TRIM16: variants seen among roughly 807,000 people sequenced by gnomAD.
The protein encoded by TRIM16 is tripartite motif-containing protein 16.
In TRIM16, 33 loss-of-function variants were observed where a neutral mutation model predicts 50.4. That is an observed-to-expected ratio of 0.65 (90% CI 0.50 to 0.88). The LOEUF (loss-of-function observed/expected upper bound fraction) is 0.88. Among genes scored for constraint, TRIM16 ranks in the 40% least tolerant of loss-of-function variants. The pLI, the probability that TRIM16 is intolerant of heterozygous loss-of-function variation, is 0.00. For synonymous variants in TRIM16, 229 were observed against 270.7 expected, an observed-to-expected ratio of 0.85 and a Z score of 1.51; for missense variants, 581 against 686.8, an observed-to-expected ratio of 0.85 and a Z score of 1.72.
intron 7 of TRIM16, among the ~76,000 whole-genome samples, chr17:15,649,045 T>C (rs1987552420): frequency 6.6e-6 from 1 of 151,580 alleles, no homozygotes; most frequent in African/African-American, 2.4e-5. Context: ...TTCAGAGTTC[T>C]GCGCGTGCTC....
At chr17:15,681,845 T>A (rs564163785) in intron 3 of TRIM16, among the ~76,000 whole-genome samples, 1 of 152,384 alleles carries the variant, frequency 6.6e-6, no homozygotes, top group East Asian at 1.9e-4. Flanking sequence ...TACTTAAACC[T>A]CCTTGTGGAT....
intron 6 of TRIM16, among the ~76,000 whole-genome samples, chr17:15,661,322 G>A (rs1261052539): frequency 2.0e-5 from 3 of 152,216 alleles, no homozygotes; most frequent in African/African-American, 7.2e-5. Flanking sequence ...AGGATTTGAG[G>A]AGGTGAAGGC....
chr17:15,680,773 C>T (rs1480210903), intron 4 of TRIM16, 92 bp downstream of exon 4: 1 of 1,413,828 alleles, frequency 7.1e-7, no homozygotes, highest in East Asian at 2.5e-5. Flanking sequence ...AAATTTGCTT[C>T]AGGAATTAAA....
At position 15,641,859 on chromosome 17, in the gene TRIM16, T is replaced by C. The variant is rs557862507; in HGVS notation, c.615+862A>G. Among the ~76,000 whole-genome samples, 223 of 148,574 alleles carry C rather than the reference T, an allele frequency of 1.5e-3. 20 individuals carry two copies. Among genetic ancestry groups the C allele is most frequent in the Middle Eastern group, 6.9e-3 (2 of 290 alleles). On this transcript the variant is annotated intron_variant, in intron 8 of 11. Coordinates refer to ENST00000649191, the MANE Select transcript of TRIM16 (RefSeq NM_001348119.1). ...TAGGTGTTTTGCATTCTCTCTTTTT[T>C]TGAAACAGAGTCTTACTCTGTTACC...
At chr17:15,655,469 A>C (rs939774637) in intron 6 of TRIM16, among the ~76,000 whole-genome samples, 1 of 152,026 alleles carries the variant, frequency 6.6e-6, no homozygotes, top group Non-Finnish European at 1.5e-5. Context: ...TCAGCCCTTC[A>C]TCAATGCCCC....
intron 6 of TRIM16, chr17:15,658,860 C>G: frequency 1.0e-6 from 1 of 985,476 alleles, no homozygotes; most frequent in Non-Finnish European, 1.2e-6. Context: ...AAACTGGTCT[C>G]CAGCCCTGTC....
At chr17:15,659,270 C>T (rs77425649) in intron 6 of TRIM16, among the ~76,000 whole-genome samples, 1 of 152,306 alleles carries the variant, frequency 6.6e-6, no homozygotes, top group African/African-American at 2.4e-5. Context: ...AGGTCTAGTC[C>T]TGGGCTGTTC....
intron 6 of TRIM16, among the ~76,000 whole-genome samples, chr17:15,673,600 T>C (rs2151422774): frequency 6.8e-6 from 1 of 146,568 alleles, no homozygotes; most frequent in East Asian, 2.0e-4. Context: ...GAAATGCATC[T>C]AAAACAGGAA....
chr17:15,651,481 C>G lies in TRIM16; in HGVS notation c.129G>C (p.Glu43Asp). Reference sequence around the variant, plus strand: ...CAAGCTTCTCCGAGGAGCCCACGTCCTCTTCTTCCACTGGGCTGGCTGACC... The same window carrying G: ...CAAGCTTCTCCGAGGAGCCCACGTCGTCTTCTTCCACTGGGCTGGCTGACC... Reference protein sequence around the residue: ...DSGSASPVEEEDVGSSEKLGR... With the variant: ...DSGSASPVEEDDVGSSEKLGR... The change falls in exon 7 of 12, where the codon GAG becomes GAC. Residue 43 changes from glutamate to aspartate, a missense_variant. Glu to Asp is a conservative substitution (Grantham distance 45, BLOSUM62 2). Coordinates refer to ENST00000649191, the MANE Select transcript of TRIM16 (RefSeq NM_001348119.1). The G allele has an allele frequency of 1.9e-6, 3 of 1,611,864 alleles. No homozygotes were observed. Among genetic ancestry groups the G allele is most frequent in the Non-Finnish European group, 2.5e-6 (3 of 1,178,528 alleles).
intron 8 of TRIM16, among the ~76,000 whole-genome samples, chr17:15,640,516 G>A (rs1275499636): frequency 6.8e-6 from 1 of 147,682 alleles, no homozygotes; most frequent in South Asian, 2.2e-4. Context: ...AGGGAAAGAG[G>A]CCAAGACTCC....
At chr17:15,659,724 T>G (rs749664491) in intron 6 of TRIM16, among the ~76,000 whole-genome samples, 1 of 152,234 alleles carries the variant, frequency 6.6e-6, no homozygotes, top group African/African-American at 2.4e-5. Context: ...AGGAGATGGT[T>G]TCCCAGGCCG....
In TRIM16 at chr17:15,628,990, G is replaced by C. The variant is rs764079057; in HGVS notation, c.1320C>G (p.Thr440=). 5 of 1,613,588 alleles carry C rather than the reference G, an allele frequency of 3.1e-6. No homozygotes were observed. ...TGCCTTTGCAGGTCAGGCCAACATA[G>C]GTGCCTGCCCCGAAGATCTCCACCT... ...YFEVEIFGAG[T]YVGLTCKGID... is the part of the protein sequence containing the mutation. Residue 440 remains threonine (T), a synonymous_variant, in exon 12 of 12, where the codon ACC becomes ACG. Transcript: ENST00000649191.
chr17:15,652,062 T>C, intron 6 of TRIM16, 116 bp from the exon 7 acceptor site: 1 of 794,558 alleles, frequency 1.3e-6, no homozygotes, highest in Non-Finnish European at 1.6e-6. Flanking sequence ...TGTAAGGACT[T>C]CAACACCAGG....
In TRIM16 at chr17:15,641,997, C is replaced by T. The variant is rs371946468; in HGVS notation, c.615+724G>A. 1.5e-4 allele frequency among the ~76,000 whole-genome samples: 22 copies of T among 148,574 alleles called. 3 individuals are homozygous for T. In the East Asian group the frequency reaches 4.5e-3, roughly 30 times the overall value. On this transcript the variant is annotated intron_variant, in intron 8 of 11. Coordinates refer to ENST00000649191, the MANE Select transcript of TRIM16 (RefSeq NM_001348119.1). ...AACTGGGACTACAGGTGTGCACCAC[C>T]ATGCCTGGCTAATTTTTGTATTTTT...
Position 15,682,847 on chromosome 17 carries a change from C to T in TRIM16, c.-679+7G>A, listed in dbSNP as rs1445660342. On this transcript the variant is annotated splice_region_variant and intron_variant, in intron 3 of 11. Coordinates refer to ENST00000649191, the MANE Select transcript of TRIM16 (RefSeq NM_001348119.1). ...AGTAAAATCACCACCATTCTTCGCA[C>T]ACTCACCACGCACCAGGTGCTTTCC... 1 of 1,426,782 alleles carries T rather than the reference C, an allele frequency of 7.0e-7. No homozygotes were observed. The highest frequency in any genetic ancestry group is 1.4e-5 in the African/African-American group (1 of 69,330). 88.4% of individuals were successfully genotyped at this position (1,426,782 alleles called of 1,614,324 possible).
chr17:15,632,264 C>G (rs1382413969), intron 10 of TRIM16, among the ~76,000 whole-genome samples: 1 of 152,082 alleles, frequency 6.6e-6, no homozygotes, highest in Non-Finnish European at 1.5e-5. Context: ...GTAATCTCAG[C>G]TACTAGGGAG....
intron 6 of TRIM16, among the ~76,000 whole-genome samples, chr17:15,675,867 C>T (rs1988917832): frequency 6.8e-6 from 1 of 147,208 alleles, no homozygotes; most frequent in Non-Finnish European, 1.5e-5. Flanking sequence ...TATATATATA[C>T]TTTTTTTTGC....
chr17:15,637,050 G>A (rs1166565144), intron 8 of TRIM16, among the ~76,000 whole-genome samples: 1 of 147,394 alleles, frequency 6.8e-6, no homozygotes, highest in African/African-American at 2.5e-5. Flanking sequence ...TCTCCGCCCG[G>A]TAGCCACCCC....
At position 15,671,468 on chromosome 17, in the gene TRIM16, G is replaced by A. The variant is rs923211566; in HGVS notation, c.-338+5708C>T. 6.6e-5 allele frequency among the ~76,000 whole-genome samples: 10 copies of A among 151,596 alleles called. No homozygotes were observed. The South Asian group carries it at 8.4e-4, about 13-fold the overall frequency. ...ATATAAGTATGAGATGATTTTTCCT[G>A]AGATGTTTATCTCAAGCCACTGTAT... On this transcript the variant is annotated intron_variant, in intron 6 of 11. Coordinates refer to ENST00000649191, the MANE Select transcript of TRIM16 (RefSeq NM_001348119.1).
Sources: gnomAD v4.1 joint callset for allele counts (sites outside exome capture counted in the v4.1 genomes callset) on GRCh38, gnomAD v4.1.1 for gene constraint, MANE v1.5 for transcripts, NCBI Gene and HGNC (gene_info 2026-07-23, HGNC 2026-07-21) for gene names.